ESRRG: variants seen among roughly 807,000 people sequenced by gnomAD.
The protein encoded by ESRRG is estrogen related receptor gamma, also known as estrogen-related receptor gamma.
In ESRRG, 13 loss-of-function variants were observed where a neutral mutation model predicts 44.0. The ratio of observed to expected loss-of-function variants is 0.30; its 90% CI spans 0.19 to 0.47. The LOEUF is 0.47. ESRRG is among the 20% of genes least tolerant of loss of function. The probability of loss-of-function intolerance (pLI) is 1.00; values close to 1 mark genes in which losing one functional copy is unlikely to be tolerated. For missense variants in ESRRG, 395 were observed against 580.6 expected (o/e 0.68, Z 3.29); for synonymous variants, 215 against 214.6 (o/e 1.00, Z -0.02).
chr1:216,610,989 G>T (rs931146321), intron 3 of ESRRG, among the ~76,000 whole-genome samples: 9 of 151,914 alleles, frequency 5.9e-5, no homozygotes, highest in Non-Finnish European at 2.9e-5. Flanking sequence ...GATCACTTGA[G>T]GTCAGGAGTT....
chr1:216,842,475 T>A (rs2095667707), intron 2 of ESRRG, among the ~76,000 whole-genome samples: 1 of 152,194 alleles, frequency 6.6e-6, no homozygotes, highest in East Asian at 1.9e-4. Flanking sequence ...GCAGCAGCTA[T>A]GGCTGAGATT....
Position 216,981,522 on chromosome 1 carries a change from A to G in ESRRG, c.-105-41849T>C, listed in dbSNP as rs554579258. Among the ~76,000 whole-genome samples the G allele has an allele frequency of 2.6e-5, 4 of 152,312 alleles. No homozygotes were observed. In the East Asian group the frequency reaches 7.7e-4, roughly 29 times the overall value. On this transcript the variant is annotated intron_variant, in intron 1 of 7. Coordinates refer to the ESRRG transcript ENST00000359162. ...AACTCAAAACAGCACCTCGCACAAA[A>G]CAACTCTTCAATAAATGTTAACTTT...
chr1:216,629,604 T>C (rs958417859), intron 3 of ESRRG, among the ~76,000 whole-genome samples: 1 of 151,962 alleles, frequency 6.6e-6, no homozygotes, highest in African/African-American at 2.4e-5. Context: ...GTGTAGATGC[T>C]GCAATACACC....
At chr1:216,969,430 CAT>C (rs1272771384) in intron 1 of ESRRG, among the ~76,000 whole-genome samples, 3 of 151,802 alleles carry the variant, frequency 2.0e-5, no homozygotes, top group Non-Finnish European at 4.4e-5. Flanking sequence ...TAGAAAAAAA[CAT>C]AAAAAATAGG....
chr1:216,977,337 T>TACACACACACAC (rs1166553968), intron 1 of ESRRG, among the ~76,000 whole-genome samples: 45 of 55,264 alleles, frequency 8.1e-4, no homozygotes, highest in Admixed American at 9.6e-4. Context: ...CCAAGGAGGA[T>TACACACACACAC]ACATACACAC....
intron 1 of ESRRG, among the ~76,000 whole-genome samples, chr1:216,948,476 C>CAAAA (rs5780948): frequency 5.8e-5 from 6 of 103,362 alleles, no homozygotes; most frequent in Admixed American, 2.1e-4. Flanking sequence ...GACTCCATCT[C>CAAAA]AAAAAAAAAA....
At chr1:216,992,407 G>A (rs1408564567) in intron 1 of ESRRG, among the ~76,000 whole-genome samples, 1 of 152,142 alleles carries the variant, frequency 6.6e-6, no homozygotes, top group Non-Finnish European at 1.5e-5. Flanking sequence ...AACAAACAGT[G>A]CAAGAGTCTT....
At chr1:216,508,330 A>C (rs1349985867) in intron 6 of ESRRG, among the ~76,000 whole-genome samples, 1 of 152,208 alleles carries the variant, frequency 6.6e-6, no homozygotes, top group African/African-American at 2.4e-5. Flanking sequence ...TTACATTGTC[A>C]TTTTGAATCA....
At chr1:216,662,962 C>A (rs1191274326) in intron 2 of ESRRG, among the ~76,000 whole-genome samples, 1 of 152,176 alleles carries the variant, frequency 6.6e-6, no homozygotes, top group African/African-American at 2.4e-5. Context: ...CAAAAGGCTG[C>A]AACGACAAAA....
chr1:216,723,520 G>T, upstream of ESRRG: 1 of 526,970 alleles, frequency 1.9e-6, no homozygotes, highest in African/African-American at 1.9e-5. Flanking sequence ...CGGCCCAGCC[G>T]CGCAGCCGAT....
chr1:217,007,110 A>T (rs1453498648), intron 1 of ESRRG, among the ~76,000 whole-genome samples: 1 of 152,164 alleles, frequency 6.6e-6, no homozygotes, highest in Non-Finnish European at 1.5e-5. Flanking sequence ...GATGATAGAG[A>T]TTAAATTTAC....
chr1:216,779,347 ATAAAATAT>A lies in ESRRG; in HGVS notation c.-13-101864_-13-101857del, dbSNP rs1163859143. 1.2e-4 allele frequency among the ~76,000 whole-genome samples: 11 copies of A among 91,968 alleles called. No individual in the cohort carries two copies. The East Asian group carries it at 1.2e-3, about 10-fold the overall frequency. 60.3% of individuals were successfully genotyped at this position (91,968 alleles called of 152,430 possible). On this transcript the variant is annotated intron_variant, in intron 2 of 7. Transcript: ENST00000359162. ...TAAATATATATTTATATTTATAAAC[ATAAAATAT>A]TTATATTTATTTATAAAAATATGTA... is the stretch of plus-strand genomic sequence containing the variant.
intron 1 of ESRRG, among the ~76,000 whole-genome samples, chr1:217,074,649 G>T (rs2091054653): frequency 6.6e-6 from 1 of 152,022 alleles, no homozygotes; most frequent in East Asian, 1.9e-4. Context: ...AACAACCTGG[G>T]CAACAAAGCA....
chr1:216,825,500 A>G (rs2095375597), intron 2 of ESRRG, among the ~76,000 whole-genome samples: 1 of 152,200 alleles, frequency 6.6e-6, no homozygotes, highest in Non-Finnish European at 1.5e-5. Flanking sequence ...TTTTTTTAGC[A>G]ACAATTCAGA....
intron 2 of ESRRG, among the ~76,000 whole-genome samples, chr1:216,816,119 G>T (rs889407285): frequency 3.3e-5 from 5 of 152,164 alleles, no homozygotes. Flanking sequence ...TTCACTACCA[G>T]CATTCATCGT....
At chr1:216,971,381 C>T (rs146759881) in intron 1 of ESRRG, among the ~76,000 whole-genome samples, 7 of 152,230 alleles carry the variant, frequency 4.6e-5, no homozygotes, top group African/African-American at 1.4e-4. Flanking sequence ...ACGAAAGCAA[C>T]GTGTTAGAAA....
chr1:216,983,237 T>C (rs1295028263), intron 1 of ESRRG, among the ~76,000 whole-genome samples: 3 of 150,706 alleles, frequency 2.0e-5, no homozygotes, highest in Non-Finnish European at 4.4e-5. Context: ...ATTGATTTTT[T>C]TATTTTTTTT....
At chr1:216,812,383 C>A (rs11572589) in intron 2 of ESRRG, among the ~76,000 whole-genome samples, 1 of 152,156 alleles carries the variant, frequency 6.6e-6, no homozygotes, top group Non-Finnish European at 1.5e-5. Flanking sequence ...TCTGCACAAC[C>A]ACTCAATGGG....
chr1:217,086,595 T>C (rs1271948590), intron 1 of ESRRG, among the ~76,000 whole-genome samples: 1 of 152,216 alleles, frequency 6.6e-6, no homozygotes, highest in Admixed American at 6.5e-5. Context: ...TGCAGCCAAT[T>C]TAAAGCCATA....
Sources: gnomAD v4.1 joint callset for allele counts (sites outside exome capture counted in the v4.1 genomes callset) on GRCh38, gnomAD v4.1.1 for gene constraint, MANE v1.5 for transcripts, NCBI Gene and HGNC (gene_info 2026-07-23, HGNC 2026-07-21) for gene names.